Variants in POLQ observed in about 807,000 individuals in gnomAD.
POLQ encodes the protein epididymis secretory sperm binding protein.
POLQ carries 233 observed loss-of-function variants against 259.2 expected under a neutral mutation model. The ratio of observed to expected loss-of-function variants is 0.90; its 90% CI spans 0.81 to 1.00. The LOEUF (loss-of-function observed/expected upper bound fraction) is 1.00. POLQ is among the 50% of genes least tolerant of loss of function. The pLI is 0.00. For synonymous variants in POLQ, 1,025 were observed against 1,048.8 expected (o/e 0.98, Z 0.44); for missense variants, 2,871 against 3,051.6 (o/e 0.94, Z 1.39).
intron 24 of POLQ, among the ~76,000 whole-genome samples, chr3:121,460,735 G>C (rs1041944368): frequency 6.6e-6 from 1 of 152,140 alleles, no homozygotes; most frequent in Non-Finnish European, 1.5e-5. Flanking sequence ...TGTGTGCCCT[G>C]ATTTGACAAT....
At chr3:121,449,150 T>C (rs1311751289) in intron 26 of POLQ, among the ~76,000 whole-genome samples, 165 bp downstream of exon 26, 1 of 152,240 alleles carries the variant, frequency 6.6e-6, no homozygotes, top group Non-Finnish European at 1.5e-5. Context: ...ATAAGATTAT[T>C]ACATCTTAGT....
intron 25 of POLQ, among the ~76,000 whole-genome samples, chr3:121,459,369 A>ATGTTTTTTT (rs778778631): frequency 1.1e-4 from 12 of 104,734 alleles, no homozygotes; most frequent in African/African-American, 3.8e-4. Context: ...GACTAGAAAG[A>ATGTTTTTTT]TTTTTTTTTT....
chr3:121,509,206 G>A (rs1017488210), intron 12 of POLQ, among the ~76,000 whole-genome samples: 1 of 152,094 alleles, frequency 6.6e-6, no homozygotes, highest in Non-Finnish European at 1.5e-5. Flanking sequence ...TTAATGGCAC[G>A]CATGTTTGTG....
At chr3:121,528,973 A>G (rs2048391699) in intron 7 of POLQ, among the ~76,000 whole-genome samples, 1 of 152,150 alleles carries the variant, frequency 6.6e-6, no homozygotes, top group South Asian at 2.1e-4. Flanking sequence ...ATAAATAAAT[A>G]ATAGATTTGT....
Position 121,432,350 on chromosome 3 carries a change from A to G in POLQ, c.7727T>C (p.Val2576Ala), listed in dbSNP as rs2047501344. The change falls in exon 30 of 30, where the codon GTG (valine) becomes GCG (alanine). Residue 2576 changes from valine to alanine, a missense_variant. Coordinates refer to ENST00000264233, the MANE Select transcript of POLQ (RefSeq NM_199420.4). ...CTCTCCCCAGCTGGCGCCTATTTTC[A>G]CTTTCACTTTCAATTTCACAGACAG... ...VKLSVKLKVKVKIGASWGELK... is the reference protein window; with the variant it reads ...VKLSVKLKVKAKIGASWGELK... 1 of 1,608,348 alleles carries G rather than the reference A, an allele frequency of 6.2e-7. No homozygotes were observed. Among genetic ancestry groups the G allele is most frequent in the African/African-American group, 1.3e-5 (1 of 74,598 alleles).
chr3:121,544,128 G>A (rs1225651297), intron 2 of POLQ, among the ~76,000 whole-genome samples: 1 of 152,118 alleles, frequency 6.6e-6, no homozygotes, highest in African/African-American at 2.4e-5. Flanking sequence ...GCTAAGGTAG[G>A]CAGATCACTT....
chr3:121,523,719 CAAAAAT>C (rs2048353976), intron 7 of POLQ, among the ~76,000 whole-genome samples: 1 of 150,536 alleles, frequency 6.6e-6, no homozygotes, highest in African/African-American at 2.4e-5. Context: ...TGTCTCAAAA[CAAAAAT>C]AAAAACAAAA....
At position 121,488,262 on chromosome 3, in the gene POLQ, T is replaced by C; in HGVS notation, c.4669A>G (p.Ile1557Val). The C allele has an allele frequency of 6.2e-7, 1 of 1,612,614 alleles. No homozygotes were observed. The highest frequency in any genetic ancestry group is 8.5e-7 in the Non-Finnish European group (1 of 1,179,198). Residue 1557 changes from isoleucine (I) to valine (V), a missense_variant, in exon 16 of 30, where the codon ATA becomes GTA. This residue lies in a region of POLQ where 2,080 missense variants were observed against 2,126.0 expected (regional missense o/e 0.98). Transcript: ENST00000264233. ...TGAACAGAATCCATTTCTGAAAATA[T>C]AATAGATTCATCATTGGAACAAGTC... is the stretch of plus-strand genomic sequence containing the variant. Reference protein sequence around the residue: ...QLTCSNDESIIFSEMDSVQMV... With the variant: ...QLTCSNDESIVFSEMDSVQMV...
Position 121,472,013 on chromosome 3 carries a change from A to G in POLQ, c.6695T>C (p.Val2232Ala). The G allele has an allele frequency of 1.3e-6, 2 of 1,552,336 alleles. No individual in the cohort carries two copies. Among genetic ancestry groups the G allele is most frequent in the Non-Finnish European group, 8.8e-7 (1 of 1,138,732 alleles). Residue 2232 changes from valine (V) to alanine (A), a missense_variant, in exon 22 of 30, where the codon GTA becomes GCA. By Grantham distance (64) the Val-to-Ala change is moderately conservative. This residue lies in a region of POLQ where 2,080 missense variants were observed against 2,126.0 expected (regional missense o/e 0.98). Transcript: ENST00000264233. ...PFLGMERIYP[V>A]SQSHTATGRI... is the part of the protein sequence containing the mutation. The stretch of plus-strand genomic sequence containing the variant: ...ACCTGTAGCAGTGTGCGACTGTGAT[A>G]CAGGATAGATTCTTTCCATTCCAAG...
Position 121,492,070 on chromosome 3 carries a change from C to T in POLQ, c.2522+1408G>A, listed in dbSNP as rs531627749. On this transcript the variant is annotated intron_variant, in intron 15 of 29. Coordinates refer to ENST00000264233, the MANE Select transcript of POLQ (RefSeq NM_199420.4). ...CCCGGTCTGTGGAAAAATTGTCTTC[C>T]ATGGGCAAGAGATATGCAAGAGCAA... Among the ~76,000 whole-genome samples the T allele has an allele frequency of 2.6e-5, 4 of 151,990 alleles. No homozygotes were observed. The South Asian group carries it at 6.2e-4, about 24-fold the overall frequency.
At chr3:121,508,653 A>C (rs1394247258) in intron 12 of POLQ, among the ~76,000 whole-genome samples, 1 of 152,220 alleles carries the variant, frequency 6.6e-6, no homozygotes, top group Non-Finnish European at 1.5e-5. Context: ...CTTTGAGCCT[A>C]TTATCACCCA....
At chr3:121,454,267 A>G (rs1363815303) in intron 25 of POLQ, among the ~76,000 whole-genome samples, 1 of 152,248 alleles carries the variant, frequency 6.6e-6, no homozygotes, top group Non-Finnish European at 1.5e-5. Flanking sequence ...GGTATCAGCC[A>G]CTGCAAAATC....
intron 19 of POLQ, among the ~76,000 whole-genome samples, chr3:121,479,374 G>GTGTGTGTGTT (rs2047953426): frequency 6.6e-6 from 1 of 151,492 alleles, no homozygotes; most frequent in Non-Finnish European, 1.5e-5. Flanking sequence ...GTGTGTGTGT[G>GTGTGTGTGTT]TGTGTGTGTG....
intron 6 of POLQ, among the ~76,000 whole-genome samples, chr3:121,531,724 A>G (rs1433077111): frequency 6.6e-6 from 1 of 152,242 alleles, no homozygotes; most frequent in African/African-American, 2.4e-5. Context: ...GTGGTTCAAA[A>G]GGGTGGAGGC....
chr3:121,459,621 T>C (rs1576404676), intron 25 of POLQ, among the ~76,000 whole-genome samples: 1 of 152,032 alleles, frequency 6.6e-6, no homozygotes, highest in South Asian at 2.1e-4. Flanking sequence ...GACCTCATGA[T>C]CCGCCCGCCT....
rs2048532049 is a variant in POLQ, at chr3:121,545,978, T to C, written c.-101A>G. 1 of 1,427,034 alleles carries C rather than the reference T, an allele frequency of 7.0e-7. No individual in the cohort carries two copies. Among genetic ancestry groups the C allele is most frequent in the Non-Finnish European group, 9.7e-7 (1 of 1,032,986 alleles). The allele number at this position is 1,427,034 out of a possible 1,614,324, so 88.4% of individuals were successfully genotyped here. A position where few individuals can be genotyped will look rare whatever the true frequency, so the allele number is the denominator to read the frequency against. On this transcript the variant is annotated 5_prime_UTR_variant, in exon 1 of 30. Transcript: ENST00000264233. The stretch of plus-strand genomic sequence containing the variant: ...ACAGCTGCGGACATCTTCCCGCCAG[T>C]CTTCAAACTCAAACCTCCCGGCCCG...
chr3:121,434,084 T>C (rs910603165), intron 28 of POLQ, among the ~76,000 whole-genome samples: 1 of 152,238 alleles, frequency 6.6e-6, no homozygotes, highest in Non-Finnish European at 1.5e-5. Flanking sequence ...GCTCACACCA[T>C]TGACTGTCTG....
chr3:121,495,941 A>T (rs1342297256), intron 14 of POLQ, among the ~76,000 whole-genome samples: 1 of 151,496 alleles, frequency 6.6e-6, no homozygotes, highest in Non-Finnish European at 1.5e-5. Flanking sequence ...ATAAGCACAT[A>T]TCTTCACGAT....
At chr3:121,451,909 C>T (rs180908499) in intron 25 of POLQ, among the ~76,000 whole-genome samples, 2,205 of 152,324 alleles carry the variant, frequency 0.014, 25 homozygotes, top group Non-Finnish European at 0.021. Flanking sequence ...GGCAGGCAGG[C>T]GTCCTTGAGC....
Sources: allele counts gnomAD v4.1 joint callset (sites outside exome capture counted in the v4.1 genomes callset), GRCh38; gene constraint gnomAD v4.1.1; regional missense constraint gnomAD v4.1.1; transcripts MANE v1.5; gene names NCBI Gene and HGNC (gene_info 2026-07-23, HGNC 2026-07-21).